Variants in SLC9A1 observed in about 807,000 individuals in gnomAD.
SLC9A1 encodes the protein sodium/hydrogen exchanger 1.
In SLC9A1, 22 loss-of-function variants were observed where a neutral mutation model predicts 67.9. The ratio of observed to expected loss-of-function variants is 0.32; its 90% CI spans 0.23 to 0.46. The LOEUF (loss-of-function observed/expected upper bound fraction) is 0.46. Ranked by LOEUF, SLC9A1 falls within the 20% of genes least tolerant of loss-of-function variation. The pLI is 1.00. For missense variants in SLC9A1, 686 were observed against 1,094.8 expected, an observed-to-expected ratio of 0.63 and a Z score of 5.27; for synonymous variants, 421 against 471.8, an observed-to-expected ratio of 0.89 and a Z score of 1.40.
chr1:27,131,938 G>GAAGAAAAAAAAAAAA (rs1553119548), intron 1 of SLC9A1, among the ~76,000 whole-genome samples: 3 of 35,030 alleles, frequency 8.6e-5, no homozygotes, highest in African/African-American at 3.3e-4. Context: ...AGAAGAAGAA[G>GAAGAAAAAAAAAAAA]AAAAAAAAAA....
chr1:27,154,094 G>C lies in SLC9A1; in HGVS notation c.241C>G (p.His81Asp). ...SRPVNHSVTD[H>D]GMKPRKAFPV... is the part of the protein sequence containing the mutation. ...AAGGCCTTGCGCGGCTTCATGCCAT[G>C]ATCAGTGACGGAATGATTAACAGGG... is the stretch of plus-strand genomic sequence containing the variant. Residue 81 changes from histidine to aspartate, a missense_variant, in exon 1 of 12, where the codon CAT becomes GAT. Physicochemically the swap from His to Asp is moderately conservative, Grantham distance 81. Around this residue, in one of 7 missense-constraint regions of SLC9A1, gnomAD observed 143 missense variants for 166.7 expected, o/e 0.86. Coordinates refer to ENST00000263980, the MANE Select transcript of SLC9A1 (RefSeq NM_003047.5). The C allele has an allele frequency of 9.3e-6, 15 of 1,614,056 alleles. No homozygotes were observed. The highest frequency in any genetic ancestry group is 1.3e-5 in the Non-Finnish European group (15 of 1,179,962).
Position 27,106,333 on chromosome 1 carries a change from T to C in SLC9A1, c.1283-246A>G, listed in dbSNP as rs911423784. On this transcript the variant is annotated intron_variant, in intron 4 of 11. Coordinates refer to ENST00000263980, the MANE Select transcript of SLC9A1 (RefSeq NM_003047.5). The surrounding 1 kb of genome is among the most constrained non-coding windows in gnomAD (Gnocchi z 4.3). ...AGACATCATGGAGGCCTCCAGTGGC[T>C]GGAGGGCTGGGGGCAGGAAGAGGGA... 1.3e-5 allele frequency among the ~76,000 whole-genome samples: 2 copies of C among 152,058 alleles called. No individual in the cohort carries two copies. The highest frequency in any genetic ancestry group is 4.8e-5 in the African/African-American group (2 of 41,390).
rs1381973186 is a variant in SLC9A1 at position 27,105,716 on chromosome 1, A to G, written c.1485+169T>C. The G allele has an allele frequency of 1.4e-5, 10 of 721,714 alleles. No individual in the cohort carries two copies. In the Admixed American group the frequency reaches 2.0e-4, roughly 14 times the overall value. The allele number at this position is 721,714 out of a possible 1,614,324, so 44.7% of individuals were successfully genotyped here. A position where few individuals can be genotyped will look rare whatever the true frequency, so the allele number is the denominator to read the frequency against. On this transcript the variant is annotated intron_variant, in intron 5 of 11. Transcript: ENST00000263980. ...CATCACAATTCTCACTTTACGATTG[A>G]AGAAACTGAGGCCCAGAAAGGGGGA...
rs147891871 is a variant in SLC9A1 at position 27,100,415 on chromosome 1, G to C, written c.2340C>G (p.Pro780=). The stretch of plus-strand genomic sequence containing the variant: ...GGGAGCTGGGGCTGTCACTGGGCGC[G>C]GGGGTGAAGACATCGTCGGTTCCTG... ...SSPGTDDVFT[P]APSDSPSSQR... is the part of the protein sequence containing the mutation. The change falls in exon 12 of 12, where the codon CCC becomes CCG. Residue 780 remains proline (P), a synonymous_variant. Transcript: ENST00000263980. This position sits in a 1 kb window ranked among gnomAD's most constrained non-coding sequence, Gnocchi z 5.6. 3 of 1,609,894 alleles carry C rather than the reference G, an allele frequency of 1.9e-6. No homozygotes were observed. Among genetic ancestry groups the C allele is most frequent in the South Asian group, 1.1e-5 (1 of 90,382 alleles).
intron 3 of SLC9A1, among the ~76,000 whole-genome samples, chr1:27,108,782 C>G (rs2083207612): frequency 6.6e-6 from 1 of 152,206 alleles, no homozygotes; most frequent in South Asian, 2.1e-4. Context: ...ACTCCAAAGC[C>G]TGCACCTTTG....
At position 27,100,432 on chromosome 1, in the gene SLC9A1, C is replaced by G. The variant is rs773456313; in HGVS notation, c.2323G>C (p.Asp775His). 79 of 1,612,660 alleles carry G rather than the reference C, an allele frequency of 4.9e-5. No individual in the cohort carries two copies. The highest frequency in any genetic ancestry group is 6.7e-5 in the Admixed American group (4 of 59,918). The change falls in exon 12 of 12, where the codon GAC (aspartate) becomes CAC (histidine). Residue 775 changes from aspartate (D) to histidine (H), a missense_variant. This residue lies in a region of SLC9A1 where 226 missense variants were observed against 282.4 expected (regional missense o/e 0.80). Transcript: ENST00000263980. The surrounding 1 kb of genome is among the most constrained non-coding windows in gnomAD (Gnocchi z 5.6). ...CTGGGCGCGGGGGTGAAGACATCGT[C>G]GGTTCCTGGGGACGAAGTCTCCTTG... ...RSKETSSPGT[D>H]DVFTPAPSDS... is the part of the protein sequence containing the mutation.
chr1:27,102,343 G>T, intron 8 of SLC9A1, 42 bp downstream of exon 8: 1 of 1,554,984 alleles, frequency 6.4e-7, no homozygotes. Flanking sequence ...TTGAGGGGCC[G>T]GTGTGTGGGA....
intron 5 of SLC9A1, chr1:27,103,597 G>A (rs2083163008): frequency 2.1e-6 from 1 of 477,932 alleles, no homozygotes; most frequent in Non-Finnish European, 3.9e-6. Flanking sequence ...GGGTTCAGAT[G>A]TGGACTGCAC....
intron 1 of SLC9A1, among the ~76,000 whole-genome samples, chr1:27,120,151 TG>T (rs1553176536): frequency 2.0e-5 from 3 of 151,660 alleles, no homozygotes; most frequent in Non-Finnish European, 4.4e-5. Flanking sequence ...TGTTTTGTTT[TG>T]GGGGGGCGGA....
Position 27,102,079 on chromosome 1 carries a change from G to A in SLC9A1, c.1872C>T (p.Ser624=), listed in dbSNP as rs1483307611. 6.2e-7 allele frequency: 1 copy of A among 1,614,068 alleles called. No individual in the cohort carries two copies. The highest frequency in any genetic ancestry group is 8.5e-7 in the Non-Finnish European group (1 of 1,179,980). ...LPSERILPAL[S]KDKEEEIRKI... Reference sequence around the variant, plus strand: ...TGCGGATCTCCTCCTCCTTGTCCTTGGACAGTGCTGGCAGGATGCGCTCGG... The same window carrying A: ...TGCGGATCTCCTCCTCCTTGTCCTTAGACAGTGCTGGCAGGATGCGCTCGG... Residue 624 remains serine, a synonymous_variant, in exon 9 of 12, where the codon TCC becomes TCT. Transcript: ENST00000263980.
At chr1:27,116,355 AGCCTGG>A (rs1220188858) in intron 1 of SLC9A1, among the ~76,000 whole-genome samples, 1 of 152,204 alleles carries the variant, frequency 6.6e-6, no homozygotes, top group East Asian at 1.9e-4. Flanking sequence ...ACTGCACTCC[AGCCTGG>A]GCAACAGAGC....
intron 1 of SLC9A1, among the ~76,000 whole-genome samples, chr1:27,122,069 C>T (rs2083307906): frequency 6.6e-6 from 1 of 152,080 alleles, no homozygotes; most frequent in Non-Finnish European, 1.5e-5. Flanking sequence ...GAGCCAAGAT[C>T]GCGCCACTGC....
At chr1:27,147,623 T>C (rs2083496873) in intron 1 of SLC9A1, among the ~76,000 whole-genome samples, 1 of 151,862 alleles carries the variant, frequency 6.6e-6, no homozygotes, top group African/African-American at 2.4e-5. Flanking sequence ...GACAACAAAA[T>C]TGGAAGATCC....
At chr1:27,139,680 T>C (rs1444551406) in intron 1 of SLC9A1, among the ~76,000 whole-genome samples, 4 of 152,148 alleles carry the variant, frequency 2.6e-5, no homozygotes. Flanking sequence ...GTTGGAAACA[T>C]CCCAATGAGT....
intron 5 of SLC9A1, 138 bp downstream of exon 5, chr1:27,105,747 T>G (rs1464289335): frequency 3.9e-6 from 3 of 770,428 alleles, no homozygotes; most frequent in Non-Finnish European, 6.9e-6. Context: ...GGGGAGTGGC[T>G]CGCCCAAGGT....
Position 27,109,498 on chromosome 1 carries a change from A to G in SLC9A1, c.1064+29T>C. 1 of 1,607,204 alleles carries G rather than the reference A, an allele frequency of 6.2e-7. No homozygotes were observed. Among genetic ancestry groups the G allele is most frequent in the Middle Eastern group, 1.7e-4 (1 of 5,880 alleles). ...GGCAGCCCCCGCCCCCACCCCGCCA[A>G]GCCCACTGCCTGCTGCACGCAGACT... On this transcript the variant is annotated intron_variant, in intron 3 of 11. Coordinates refer to ENST00000263980, the MANE Select transcript of SLC9A1 (RefSeq NM_003047.5). This position sits in a 1 kb window ranked among gnomAD's most constrained non-coding sequence, Gnocchi z 5.5.
chr1:27,101,361 C>T lies in SLC9A1; in HGVS notation c.2038-86G>A. On this transcript the variant is annotated intron_variant, in intron 10 of 11. Coordinates refer to ENST00000263980, the MANE Select transcript of SLC9A1 (RefSeq NM_003047.5). The surrounding 1 kb of genome is among the most constrained non-coding windows in gnomAD (Gnocchi z 4.9). ...AGAACCCGGCCAGTGCACACCCCAC[C>T]TTTCGTATATGCAGGGCGCTTGCTC... The T allele has an allele frequency of 1.9e-6, 2 of 1,043,348 alleles. No individual in the cohort carries two copies. Among genetic ancestry groups the T allele is most frequent in the Non-Finnish European group, 2.9e-6 (2 of 683,730 alleles). 64.6% of individuals were successfully genotyped at this position (1,043,348 alleles called of 1,614,324 possible). A position where few individuals can be genotyped will look rare whatever the true frequency, so the allele number is the denominator to read the frequency against.
intron 1 of SLC9A1, among the ~76,000 whole-genome samples, chr1:27,124,054 C>T (rs2083324366): frequency 6.6e-6 from 1 of 152,148 alleles, no homozygotes; most frequent in Non-Finnish European, 1.5e-5. Context: ...TGTGGCTCCC[C>T]AGCTCAGGTG....
chr1:27,145,641 G>A (rs768122285), intron 1 of SLC9A1, among the ~76,000 whole-genome samples: 1 of 152,230 alleles, frequency 6.6e-6, no homozygotes, highest in Non-Finnish European at 1.5e-5. Flanking sequence ...AGGGGTAAGT[G>A]CTTCCCAAGG....
Sources: gnomAD v4.1 joint callset for allele counts (sites outside exome capture counted in the v4.1 genomes callset) on GRCh38, gnomAD v4.1.1 for gene constraint, gnomAD v4.1.1 regional missense constraint, Gnocchi (gnomAD v3.1) non-coding constraint, MANE v1.5 for transcripts, NCBI Gene and HGNC (gene_info 2026-07-23, HGNC 2026-07-21) for gene names.